Variants in L3MBTL4 observed in about 807,000 individuals in gnomAD.
The protein encoded by L3MBTL4 is L3MBTL histone methyl-lysine binding protein 4, also known as lethal(3)malignant brain tumor-like protein 4.
A neutral mutation model predicts 84.5 loss-of-function variants in L3MBTL4; 70 were observed. The observed-to-expected ratio is 0.83, with a 90% CI of 0.68 to 1.01. The LOEUF is 1.01. Among genes scored for constraint, L3MBTL4 ranks in the 50% least tolerant of loss-of-function variants. The probability of loss-of-function intolerance (pLI) is 0.00; values close to 1 mark genes in which losing one functional copy is unlikely to be tolerated. For synonymous variants in L3MBTL4, 274 were observed against 259.8 expected, an observed-to-expected ratio of 1.05 and a Z score of -0.52; for missense variants, 715 against 754.8, an observed-to-expected ratio of 0.95 and a Z score of 0.62.
At chr18:6,043,446 C>T (rs1009168746) in intron 16 of L3MBTL4, among the ~76,000 whole-genome samples, 1 of 152,148 alleles carries the variant, frequency 6.6e-6, no homozygotes, top group Admixed American at 6.5e-5. Flanking sequence ...CTCTTTCTTC[C>T]CTCCCCAGGC....
intron 12 of L3MBTL4, among the ~76,000 whole-genome samples, chr18:6,176,985 A>G (rs1451714954): frequency 6.6e-6 from 1 of 152,204 alleles, no homozygotes; most frequent in African/African-American, 2.4e-5. Flanking sequence ...ATTTCCCAAC[A>G]TCAGTTACTG....
At chr18:6,108,361 T>TA (rs1350069292) in intron 14 of L3MBTL4, among the ~76,000 whole-genome samples, 2 of 152,156 alleles carry the variant, frequency 1.3e-5, no homozygotes, top group Non-Finnish European at 2.9e-5. Flanking sequence ...TTCGTCAATT[T>TA]AAAAAACTGT....
At chr18:6,246,728 A>AC (rs527600358) in intron 5 of L3MBTL4, among the ~76,000 whole-genome samples, 110 of 152,214 alleles carry the variant, frequency 7.2e-4, no homozygotes, top group African/African-American at 2.5e-3. Flanking sequence ...ACATGGCGAA[A>AC]CCCCATCTCT....
intron 13 of L3MBTL4, among the ~76,000 whole-genome samples, chr18:6,139,309 T>C (rs74524590): frequency 0.017 from 2,579 of 152,198 alleles, 81 homozygotes; most frequent in African/African-American, 0.058. Context: ...CACCATACTA[T>C]ATGCTACACT....
At position 6,163,260 on chromosome 18, in the gene L3MBTL4, GGGGGGGGGGT is replaced by G. The variant is rs1203207142; in HGVS notation, c.1096+8558_1096+8567del. ...TGTTTGTCTACGGGTGTGTGTGTGT[GGGGGGGGGGT>G]GGGTGTGTGTGTGTGTGTGTGTGTG... On this transcript the variant is annotated intron_variant, in intron 13 of 18. Coordinates refer to ENST00000317931, the MANE Select transcript of L3MBTL4 (RefSeq NM_001330559.2). Among the ~76,000 whole-genome samples, 428 of 71,020 alleles carry G rather than the reference GGGGGGGGGGT, an allele frequency of 6.0e-3. 8 individuals carry two copies. The highest frequency in any genetic ancestry group is 0.023 in the African/African-American group (394 of 17,472). 46.6% of individuals were successfully genotyped at this position (71,020 alleles called of 152,430 possible). A position where few individuals can be genotyped will look rare whatever the true frequency, so the allele number is the denominator to read the frequency against.
intron 16 of L3MBTL4, among the ~76,000 whole-genome samples, chr18:6,004,119 G>A (rs2054350905): frequency 1.3e-5 from 2 of 151,892 alleles, no homozygotes; most frequent in Admixed American, 1.3e-4. Flanking sequence ...TAGCAAAGTT[G>A]GCAAAACTTT....
chr18:6,273,752 A>G (rs964632617), intron 4 of L3MBTL4, among the ~76,000 whole-genome samples: 44 of 152,378 alleles, frequency 2.9e-4, no homozygotes, highest in African/African-American at 9.6e-4. Flanking sequence ...ACAAAGAACA[A>G]GAAAGAATGG....
intron 13 of L3MBTL4, among the ~76,000 whole-genome samples, chr18:6,149,778 T>A (rs2042812492): frequency 6.6e-6 from 1 of 152,202 alleles, no homozygotes; most frequent in Non-Finnish European, 1.5e-5. Flanking sequence ...ACCCACCTAA[T>A]TTGGTACTTG....
intron 17 of L3MBTL4, among the ~76,000 whole-genome samples, chr18:5,968,010 G>T (rs1310468445): frequency 2.0e-5 from 3 of 152,260 alleles, no homozygotes; most frequent in Non-Finnish European, 4.4e-5. Flanking sequence ...TGGAACTGGG[G>T]CCATGATGCC....
intron 1 of L3MBTL4, among the ~76,000 whole-genome samples, chr18:6,346,623 A>G (rs2052918522): frequency 6.6e-6 from 1 of 152,140 alleles, no homozygotes. Context: ...TCAAGGAAAT[A>G]CAAATAAAAA....
chr18:6,236,084 C>G (rs927400986), intron 10 of L3MBTL4, among the ~76,000 whole-genome samples: 2 of 152,096 alleles, frequency 1.3e-5, no homozygotes, highest in African/African-American at 2.4e-5. Flanking sequence ...CAGAAATTCA[C>G]AAGTTAATTC....
intron 1 of L3MBTL4, among the ~76,000 whole-genome samples, chr18:6,378,493 G>T (rs1394382713): frequency 1.3e-5 from 2 of 152,160 alleles, no homozygotes; most frequent in Non-Finnish European, 2.9e-5. Context: ...GTTAATTTTT[G>T]TATAAGGTAT....
chr18:6,221,530 T>C (rs2046552855), intron 10 of L3MBTL4, among the ~76,000 whole-genome samples: 1 of 152,122 alleles, frequency 6.6e-6, no homozygotes. Context: ...TTTAAGTGAC[T>C]CATACAAGGC....
chr18:6,363,487 A>G (rs2053802220), intron 1 of L3MBTL4, among the ~76,000 whole-genome samples: 1 of 152,226 alleles, frequency 6.6e-6, no homozygotes, highest in South Asian at 2.1e-4. Flanking sequence ...AGAAGTGACA[A>G]AGATAAAGAA....
At chr18:6,053,266 A>G (rs1410865144) in intron 16 of L3MBTL4, among the ~76,000 whole-genome samples, 3 of 152,216 alleles carry the variant, frequency 2.0e-5, no homozygotes, top group African/African-American at 7.2e-5. Flanking sequence ...CAGAAATGCT[A>G]CAAAATTCAC....
At chr18:6,398,986 G>A (rs769644886) in intron 1 of L3MBTL4, among the ~76,000 whole-genome samples, 1 of 152,156 alleles carries the variant, frequency 6.6e-6, no homozygotes, top group African/African-American at 2.4e-5. Context: ...TCTGCTGGTG[G>A]GTTGGAACAT....
chr18:6,007,327 G>GAA (rs34685078), intron 16 of L3MBTL4, among the ~76,000 whole-genome samples: 3 of 151,078 alleles, frequency 2.0e-5, no homozygotes, highest in African/African-American at 4.9e-5. Context: ...TTAAACATAT[G>GAA]AAAAAAATGC....
chr18:6,291,911 C>A, intron 4 of L3MBTL4, among the ~76,000 whole-genome samples: 1 of 152,172 alleles, frequency 6.6e-6, no homozygotes, highest in Non-Finnish European at 1.5e-5. Flanking sequence ...AGTGAAGAGA[C>A]AACCCACAGA....
intron 2 of L3MBTL4, 43 bp from the exon 3 acceptor site, chr18:6,311,699 AC>A: frequency 9.0e-7 from 1 of 1,110,422 alleles, no homozygotes; most frequent in South Asian, 1.2e-5. Flanking sequence ...TGGGGGTGTG[AC>A]CCCTTCAGAA....
Sources: gnomAD v4.1 joint callset for allele counts (sites outside exome capture counted in the v4.1 genomes callset) on GRCh38, gnomAD v4.1.1 for gene constraint, MANE v1.5 for transcripts, NCBI Gene and HGNC (gene_info 2026-07-23, HGNC 2026-07-21) for gene names.